NUP153: variants seen among roughly 807,000 people sequenced by gnomAD.
NUP153 encodes the protein nucleoporin 153.
In NUP153, 27 loss-of-function variants were observed where a neutral mutation model predicts 134.6. The observed-to-expected ratio is 0.20, with a 90% CI of 0.15 to 0.28. The LOEUF (loss-of-function observed/expected upper bound fraction) is 0.28. Ranked by LOEUF, NUP153 falls within the 10% of genes least tolerant of loss-of-function variation. The pLI is 1.00. For synonymous variants in NUP153, 640 were observed against 623.5 expected, an observed-to-expected ratio of 1.03 and a Z score of -0.40; for missense variants, 1,821 against 1,731.3, an observed-to-expected ratio of 1.05 and a Z score of -0.92.
chr6:17,701,832 CGG>C lies in NUP153; in HGVS notation c.111+4443_111+4444del, dbSNP rs59685451. ...TGGGCAACAGAGCAAGACTCTGTCT[CGG>C]GGGGGGGGGGAAAAAAGCTAAATGC... On this transcript the variant is annotated intron_variant, in intron 1 of 21. Transcript: ENST00000262077. 2.1e-3 allele frequency among the ~76,000 whole-genome samples: 94 copies of C among 44,446 alleles called. 9 individuals carry two copies. The South Asian group carries it at 0.028, about 13-fold the overall frequency. 29.2% of individuals were successfully genotyped at this position (44,446 alleles called of 152,430 possible).
At chr6:17,686,895 G>A (rs13213673) in intron 2 of NUP153, among the ~76,000 whole-genome samples, 80 of 147,798 alleles carry the variant, frequency 5.4e-4, no homozygotes, top group East Asian at 2.0e-3. Flanking sequence ...GGCGGGCGGC[G>A]GGGGAGGGGG....
intron 2 of NUP153, among the ~76,000 whole-genome samples, chr6:17,678,104 C>G (rs543485183): frequency 6.6e-6 from 1 of 152,014 alleles, no homozygotes; most frequent in South Asian, 2.1e-4. Context: ...ACCTGTAATC[C>G]CAGCACTTTG....
intron 1 of NUP153, among the ~76,000 whole-genome samples, chr6:17,695,833 C>A (rs766210378): frequency 2.0e-5 from 3 of 152,060 alleles, no homozygotes; most frequent in Non-Finnish European, 4.4e-5. Context: ...CACGGTGAAA[C>A]CCTGTCTCTA....
intron 14 of NUP153, among the ~76,000 whole-genome samples, chr6:17,640,403 T>C (rs576651780): frequency 6.6e-6 from 1 of 152,330 alleles, no homozygotes; most frequent in Non-Finnish European, 1.5e-5. Context: ...CTGCATGAAA[T>C]ATCTGATTAC....
rs760623204 is a variant in NUP153, at chr6:17,651,911, C to T, written c.1396-2611G>A. 1.1e-4 allele frequency: 76 copies of T among 662,796 alleles called. 2 individuals carry two copies. Among genetic ancestry groups the T allele is most frequent in the South Asian group, 6.8e-4 (43 of 63,352 alleles). 41.1% of individuals were successfully genotyped at this position (662,796 alleles called of 1,614,324 possible). On this transcript the variant is annotated intron_variant, in intron 11 of 21. Coordinates refer to ENST00000262077, the MANE Select transcript of NUP153 (RefSeq NM_005124.4). ...GAGCTCGAGATCAGCTTGGGCAATACGGTGAGACCTTGTCTCTACAAATAA... is the reference window on the plus strand; with the variant it reads ...GAGCTCGAGATCAGCTTGGGCAATATGGTGAGACCTTGTCTCTACAAATAA...
intron 6 of NUP153, 34 bp downstream of exon 6, chr6:17,669,396 C>A (rs1561890713): frequency 6.3e-7 from 1 of 1,593,024 alleles, no homozygotes; most frequent in Non-Finnish European, 8.6e-7. Flanking sequence ...AGTTTTGTTA[C>A]ACTCCTGTAT....
At chr6:17,647,305 G>A (rs1005219626) in intron 13 of NUP153, among the ~76,000 whole-genome samples, 3 of 152,144 alleles carry the variant, frequency 2.0e-5, no homozygotes, top group African/African-American at 7.2e-5. Context: ...AAAATGCCCA[G>A]AACTTTTCTA....
rs748826392 is a variant in NUP153 at position 17,629,047 on chromosome 6, C to A, written c.3152G>T (p.Gly1051Val). The A allele has an allele frequency of 1.2e-6, 2 of 1,614,014 alleles. No individual in the cohort carries two copies. Among genetic ancestry groups the A allele is most frequent in the Non-Finnish European group, 1.7e-6 (2 of 1,180,028 alleles). ...TSENKSSFNL[G>V]TIETKSASVA... ...TGAAGCACTCTTGGTTTCTATGGTT[C>A]CAAGGTTGAAGCTGCTCTTGTTCTC... is the stretch of plus-strand genomic sequence containing the variant. Residue 1051 changes from glycine to valine, a missense_variant, in exon 18 of 22, where the codon GGA becomes GTA. Physicochemically the swap from Gly to Val is moderately radical, Grantham distance 109 (BLOSUM62 -3). Transcript: ENST00000262077.
chr6:17,652,535 T>C (rs933333059), intron 11 of NUP153, among the ~76,000 whole-genome samples: 15 of 152,022 alleles, frequency 9.9e-5, no homozygotes, highest in African/African-American at 3.1e-4. Context: ...GGCAAAATTT[T>C]CTTAGGACAC....
intron 17 of NUP153, among the ~76,000 whole-genome samples, chr6:17,631,616 A>G (rs942807326): frequency 9.2e-5 from 14 of 152,352 alleles, no homozygotes; most frequent in South Asian, 2.1e-4. Flanking sequence ...GTTTCAAGAC[A>G]TTAATCCTCA....
chr6:17,672,415 C>CA (rs532658086), intron 5 of NUP153, among the ~76,000 whole-genome samples: 62 of 148,962 alleles, frequency 4.2e-4, no homozygotes, highest in African/African-American at 8.9e-4. Context: ...CTGTCACTAC[C>CA]AAAAAAAAAA....
chr6:17,667,440 C>A (rs1190485699), intron 8 of NUP153, among the ~76,000 whole-genome samples: 1 of 152,182 alleles, frequency 6.6e-6, no homozygotes, highest in Non-Finnish European at 1.5e-5. Context: ...CCAAGCCAGG[C>A]ACGGTGGCTC....
intron 20 of NUP153, among the ~76,000 whole-genome samples, chr6:17,618,464 T>C (rs1173926447): frequency 1.3e-5 from 2 of 151,600 alleles, no homozygotes; most frequent in African/African-American, 4.9e-5. Flanking sequence ...CACTGGAGAG[T>C]TGGGTGGGGG....
intron 1 of NUP153, among the ~76,000 whole-genome samples, chr6:17,701,836 G>GGA (rs1554148696): frequency 9.4e-6 from 1 of 106,412 alleles, no homozygotes; most frequent in Non-Finnish European, 2.0e-5. Flanking sequence ...CTGTCTCGGG[G>GGA]GGGGGGGGAA....
chr6:17,670,743 T>C (rs1391006681), intron 5 of NUP153, among the ~76,000 whole-genome samples: 1 of 152,212 alleles, frequency 6.6e-6, no homozygotes, highest in Non-Finnish European at 1.5e-5. Context: ...AAAAAATATT[T>C]TATGTATCTA....
chr6:17,675,060 T>G lies in NUP153; in HGVS notation c.724-27A>C. The G allele has an allele frequency of 6.2e-7, 1 of 1,610,634 alleles. No individual in the cohort carries two copies. Among genetic ancestry groups the G allele is most frequent in the Non-Finnish European group, 8.5e-7 (1 of 1,178,810 alleles). ...TGCACAGAAACAGAATGATAAATTA[T>G]AAGCCATATGAACCCAGGAGGTGGA... On this transcript the variant is annotated intron_variant, in intron 4 of 21. Transcript: ENST00000262077. This position sits in a 1 kb window ranked among gnomAD's most constrained non-coding sequence, Gnocchi z 4.4.
Position 17,675,438 on chromosome 6 carries a change from TA to T in NUP153, c.584-71del. 6.4e-7 allele frequency: 1 copy of T among 1,568,114 alleles called. No individual in the cohort carries two copies. Among genetic ancestry groups the T allele is most frequent in the Non-Finnish European group, 8.6e-7 (1 of 1,158,412 alleles). On this transcript the variant is annotated intron_variant, in intron 3 of 21. Transcript: ENST00000262077. The surrounding 1 kb of genome is among the most constrained non-coding windows in gnomAD (Gnocchi z 4.4). ...AGCCTAGATTTTTATAAATAGAAAATAAAAATTACAACCAAGTCAGAAAAAA... is the reference window on the plus strand; with the variant it reads ...AGCCTAGATTTTTATAAATAGAAAATAAAATTACAACCAAGTCAGAAAAAA...
Position 17,681,965 on chromosome 6 carries a change from T to C in NUP153, c.335-6195A>G, listed in dbSNP as rs549953378. On this transcript the variant is annotated intron_variant, in intron 2 of 21. Transcript: ENST00000262077. ...CTCATCCCTATAATCCCAGCACTTT[T>C]AGGAGGCTGAGGCAGGAGGATCACT... Among the ~76,000 whole-genome samples the C allele has an allele frequency of 3.3e-5, 5 of 151,974 alleles. No homozygotes were observed. In the East Asian group the frequency reaches 9.8e-4, roughly 30 times the overall value.
chr6:17,643,962 G>C (rs1377245209), intron 14 of NUP153, among the ~76,000 whole-genome samples: 1 of 151,582 alleles, frequency 6.6e-6, no homozygotes, highest in Non-Finnish European at 1.5e-5. Flanking sequence ...TGAATTAATA[G>C]TTAACATTAA....
Sources: allele counts gnomAD v4.1 joint callset (sites outside exome capture counted in the v4.1 genomes callset), GRCh38; gene constraint gnomAD v4.1.1; non-coding constraint Gnocchi (gnomAD v3.1); transcripts MANE v1.5; gene names NCBI Gene and HGNC (gene_info 2026-07-23, HGNC 2026-07-21).